CORIN: variants seen among roughly 807,000 people sequenced by gnomAD.
The protein encoded by CORIN is atrial natriuretic peptide-converting enzyme.
A neutral mutation model predicts 125.3 loss-of-function variants in CORIN; 117 were observed. The ratio of observed to expected loss-of-function variants is 0.93; its 90% CI spans 0.80 to 1.09. The LOEUF is 1.09. Among genes scored for constraint, CORIN ranks in the 50% least tolerant of loss-of-function variants. The probability of loss-of-function intolerance (pLI) is 0.00; values close to 1 mark genes in which losing one functional copy is unlikely to be tolerated. For missense variants in CORIN, 1,253 were observed against 1,306.7 expected, an observed-to-expected ratio of 0.96 and a Z score of 0.63; for synonymous variants, 450 against 466.4, an observed-to-expected ratio of 0.96 and a Z score of 0.45.
chr4:47,613,964 A>G (rs1295335318), intron 19 of CORIN, among the ~76,000 whole-genome samples: 14 of 152,206 alleles, frequency 9.2e-5, no homozygotes, highest in African/African-American at 1.4e-4. Flanking sequence ...ATAATAAAAA[A>G]AAAAAAGAAA....
intron 1 of CORIN, among the ~76,000 whole-genome samples, chr4:47,813,742 T>G (rs539999838): frequency 6.6e-6 from 1 of 152,358 alleles, no homozygotes; most frequent in East Asian, 1.9e-4. Context: ...AAATAAACTA[T>G]GTAGACTTAG....
At chr4:47,814,291 A>G (rs1732174810) in intron 1 of CORIN, among the ~76,000 whole-genome samples, 3 of 152,202 alleles carry the variant, frequency 2.0e-5, no homozygotes, top group Admixed American at 6.6e-5. Flanking sequence ...AGAAATGCAG[A>G]CACTGAGACT....
At chr4:47,700,203 T>C (rs1206902567) in intron 5 of CORIN, among the ~76,000 whole-genome samples, 1 of 152,210 alleles carries the variant, frequency 6.6e-6, no homozygotes, top group Non-Finnish European at 1.5e-5. Flanking sequence ...CTGTTTAGCT[T>C]TATGTTATCA....
At chr4:47,706,805 A>C in intron 5 of CORIN, 3 of 1,598,220 alleles carry the variant, frequency 1.9e-6, no homozygotes, top group Non-Finnish European at 2.5e-6. Context: ...TATCAGAAGA[A>C]ATCCTGACAC....
At chr4:47,683,941 T>C (rs1725401119) in intron 6 of CORIN, 103 bp from the exon 7 acceptor site, 2 of 772,276 alleles carry the variant, frequency 2.6e-6, no homozygotes, top group South Asian at 3.6e-5. Context: ...ACCCTAATGG[T>C]AACCTGGTCC....
At position 47,626,550 on chromosome 4, in the gene CORIN, T is replaced by C. The variant is rs1463621565; in HGVS notation, c.2199-29A>G. 6.0e-6 allele frequency: 8 copies of C among 1,326,540 alleles called. No individual in the cohort carries two copies. In the African/African-American group the frequency reaches 8.7e-5, roughly 14 times the overall value. The allele number at this position is 1,326,540 out of a possible 1,614,324, so 82.2% of individuals were successfully genotyped here. ...ATACAAGGCAAATACTGGATAAGTATTCAAAGTACAATGATCTTTGAACAG... is the reference window on the plus strand; with the variant it reads ...ATACAAGGCAAATACTGGATAAGTACTCAAAGTACAATGATCTTTGAACAG... On this transcript the variant is annotated intron_variant, in intron 16 of 21. Transcript: ENST00000273857.
intron 13 of CORIN, among the ~76,000 whole-genome samples, chr4:47,647,692 G>A (rs1261988497): frequency 1.3e-5 from 2 of 152,158 alleles, no homozygotes; most frequent in Non-Finnish European, 2.9e-5. Context: ...CAGCTCTACG[G>A]AGAAAGATCT....
chr4:47,806,053 A>C (rs1295736803), intron 2 of CORIN, among the ~76,000 whole-genome samples: 2 of 152,216 alleles, frequency 1.3e-5, no homozygotes, highest in Non-Finnish European at 2.9e-5. Context: ...CTAATGAGCT[A>C]ACTAATGAGT....
chr4:47,821,784 T>A (rs1031111232), intron 1 of CORIN, among the ~76,000 whole-genome samples: 11 of 152,222 alleles, frequency 7.2e-5, no homozygotes, highest in Non-Finnish European at 2.9e-5. Context: ...TTAAACTATG[T>A]ATATTATAGA....
chr4:47,601,226 T>C (rs1391200298), intron 20 of CORIN, among the ~76,000 whole-genome samples: 2 of 152,150 alleles, frequency 1.3e-5, no homozygotes, highest in Non-Finnish European at 2.9e-5. Context: ...AATACTCCTG[T>C]GAGTTAGGTA....
intron 9 of CORIN, among the ~76,000 whole-genome samples, chr4:47,675,430 C>A (rs1269086134): frequency 6.6e-6 from 1 of 152,032 alleles, no homozygotes; most frequent in Admixed American, 6.6e-5. Context: ...CAAAGCCTTG[C>A]AGAAAAGAGA....
At chr4:47,833,242 C>T (rs1733150257) in intron 1 of CORIN, among the ~76,000 whole-genome samples, 1 of 152,028 alleles carries the variant, frequency 6.6e-6, no homozygotes, top group Non-Finnish European at 1.5e-5. Flanking sequence ...AGAGAGATCC[C>T]AGAAATAAAC....
chr4:47,749,346 T>C (rs1015228943), intron 4 of CORIN, among the ~76,000 whole-genome samples: 1 of 152,200 alleles, frequency 6.6e-6, no homozygotes, highest in Non-Finnish European at 1.5e-5. Flanking sequence ...CTGGCTTTGA[T>C]GAAGCAACTT....
Position 47,761,651 on chromosome 4 carries a change from A to G in CORIN, c.617+1728T>C, listed in dbSNP as rs541446367. 5.9e-5 allele frequency among the ~76,000 whole-genome samples: 9 copies of G among 152,308 alleles called. No individual in the cohort carries two copies. In the East Asian group the frequency reaches 1.5e-3, roughly 26 times the overall value. ...AAATACCACAGGATCTCATTCATAT[A>G]TAGAGTATTTAAAATTTGATCTCAT... On this transcript the variant is annotated intron_variant, in intron 4 of 21. Transcript: ENST00000273857.
chr4:47,649,264 A>C (rs559776387), intron 13 of CORIN, among the ~76,000 whole-genome samples: 1 of 152,354 alleles, frequency 6.6e-6, no homozygotes, highest in African/African-American at 2.4e-5. Context: ...AAAAGAGAGA[A>C]CATCCAACCC....
At chr4:47,826,780 T>C (rs1732757887) in intron 1 of CORIN, among the ~76,000 whole-genome samples, 1 of 152,136 alleles carries the variant, frequency 6.6e-6, no homozygotes, top group Non-Finnish European at 1.5e-5. Context: ...ATCTAGGGGG[T>C]CATTGTTCGG....
intron 1 of CORIN, among the ~76,000 whole-genome samples, chr4:47,835,089 A>G (rs1230020709): frequency 6.6e-6 from 1 of 152,238 alleles, no homozygotes; most frequent in East Asian, 1.9e-4. Context: ...GAACAGACAT[A>G]AAACAAACAA....
At chr4:47,690,140 A>G (rs183631131) in intron 6 of CORIN, among the ~76,000 whole-genome samples, 121 of 152,344 alleles carry the variant, frequency 7.9e-4, no homozygotes, top group Non-Finnish European at 1.5e-3. Context: ...TACCTCTGAA[A>G]GCCGTAATAC....
intron 8 of CORIN, chr4:47,679,890 AC>A (rs1725186446): frequency 2.8e-6 from 1 of 351,368 alleles, no homozygotes; most frequent in Non-Finnish European, 5.2e-6. Flanking sequence ...GAGAAAACAG[AC>A]ACCCACTTGG....
Sources: gnomAD v4.1 joint callset for allele counts (sites outside exome capture counted in the v4.1 genomes callset) on GRCh38, gnomAD v4.1.1 for gene constraint, MANE v1.5 for transcripts, NCBI Gene and HGNC (gene_info 2026-07-23, HGNC 2026-07-21) for gene names.